Variants in NPEPPS observed in about 807,000 individuals in gnomAD.
NPEPPS encodes aminopeptidase puromycin sensitive.
A neutral mutation model predicts 115.5 loss-of-function variants in NPEPPS; 14 were observed. The observed-to-expected ratio is 0.12, with a 90% CI of 0.08 to 0.19. The LOEUF is 0.19. NPEPPS is among the 10% of genes least tolerant of loss of function. NPEPPS has a pLI of 1.00. For missense variants in NPEPPS, 523 were observed against 1,110.8 expected (o/e 0.47, Z 7.52); for synonymous variants, 285 against 390.6 (o/e 0.73, Z 3.19).
intron 1 of NPEPPS, among the ~76,000 whole-genome samples, chr17:47,538,364 G>A (rs1227258385): frequency 2.0e-5 from 3 of 149,360 alleles, no homozygotes; most frequent in African/African-American, 7.4e-5. Flanking sequence ...ACAGGTGCAT[G>A]CCACCACACC....
intron 8 of NPEPPS, 190 bp from the exon 9 acceptor site, chr17:47,587,040 T>C: frequency 2.0e-6 from 1 of 510,396 alleles, no homozygotes; most frequent in Non-Finnish European, 3.5e-6. Context: ...ATCTTTGATA[T>C]TCTGTTGTAT....
intron 22 of NPEPPS, among the ~76,000 whole-genome samples, chr17:47,621,224 G>C (rs1424475438): frequency 6.6e-6 from 1 of 150,756 alleles, no homozygotes; most frequent in Non-Finnish European, 1.5e-5. Flanking sequence ...TAAATTATTA[G>C]GGCATAGCAG....
At chr17:47,594,219 A>T (rs1447563081) in intron 12 of NPEPPS, among the ~76,000 whole-genome samples, 3 of 152,172 alleles carry the variant, frequency 2.0e-5, no homozygotes, top group Admixed American at 6.5e-5. Flanking sequence ...GTTCTAGTTG[A>T]GTGAGTGGTG....
At chr17:47,553,372 A>C (rs987102020) in intron 2 of NPEPPS, among the ~76,000 whole-genome samples, 2 of 151,174 alleles carry the variant, frequency 1.3e-5, no homozygotes, top group African/African-American at 4.8e-5. Context: ...TTCTACTCAA[A>C]AAAAAAAAAA....
At chr17:47,582,080 C>G (rs879494119) in intron 4 of NPEPPS, 3 of 152,144 alleles carry the variant, frequency 2.0e-5, no homozygotes, top group Non-Finnish European at 4.4e-5. Flanking sequence ...ACTAAAGTTT[C>G]TTTCCTTTAT....
chr17:47,613,979 ATT>A (rs113187043), intron 19 of NPEPPS, among the ~76,000 whole-genome samples: 5 of 141,294 alleles, frequency 3.5e-5, no homozygotes, highest in Admixed American at 7.2e-5. Flanking sequence ...TCTTATTATT[ATT>A]TTTTTTTTTT....
At chr17:47,598,865 A>G (rs1487107134) in intron 13 of NPEPPS, among the ~76,000 whole-genome samples, 1 of 152,160 alleles carries the variant, frequency 6.6e-6, no homozygotes, top group Non-Finnish European at 1.5e-5. Context: ...TAAAAGGCCA[A>G]TGGCCTGGTG....
intron 19 of NPEPPS, among the ~76,000 whole-genome samples, chr17:47,615,052 TGTAATAGG>T (rs1914105858): frequency 6.7e-6 from 1 of 149,952 alleles, no homozygotes; most frequent in East Asian, 2.0e-4. Context: ...TTACCCATGT[TGTAATAGG>T]TTTACTTTCT....
intron 19 of NPEPPS, among the ~76,000 whole-genome samples, chr17:47,616,411 C>T (rs865840585): frequency 5.3e-5 from 8 of 151,622 alleles, no homozygotes; most frequent in African/African-American, 1.9e-4. Flanking sequence ...AGGCCAGGCG[C>T]GGTGGCTCAC....
chr17:47,592,572 A>G (rs1912574634), intron 12 of NPEPPS, 27 bp downstream of exon 12: 1 of 1,562,414 alleles, frequency 6.4e-7, no homozygotes, highest in Admixed American at 1.9e-5. Flanking sequence ...TGAGATAGAA[A>G]TGGAGAGAAA....
At position 47,573,851 on chromosome 17, in the gene NPEPPS, T is replaced by C. The variant is rs1402625936; in HGVS notation, c.418+4357T>C. Reference sequence around the variant, plus strand: ...GAGCAGGGCCTGGAGCTTACGTATTTTAAACTATGAACTATTATTTTGATA... The same window carrying C: ...GAGCAGGGCCTGGAGCTTACGTATTCTAAACTATGAACTATTATTTTGATA... On this transcript the variant is annotated intron_variant, in intron 3 of 22. Transcript: ENST00000322157. Among the ~76,000 whole-genome samples, 12 of 152,344 alleles carry C rather than the reference T, an allele frequency of 7.9e-5. No individual in the cohort carries two copies. In the East Asian group the frequency reaches 2.3e-3, roughly 29 times the overall value.
chr17:47,536,481 C>T (rs1179730839), intron 1 of NPEPPS, among the ~76,000 whole-genome samples: 5 of 149,826 alleles, frequency 3.3e-5, no homozygotes, highest in East Asian at 2.0e-4. Context: ...CAGCCTCTGC[C>T]CCCCCAGGTT....
intron 19 of NPEPPS, among the ~76,000 whole-genome samples, chr17:47,614,715 C>T (rs1033119934): frequency 6.6e-6 from 1 of 152,206 alleles, no homozygotes; most frequent in Non-Finnish European, 1.5e-5. Flanking sequence ...CTTGAGTGCA[C>T]TGGCTACATT....
chr17:47,571,877 T>G (rs1277171253), intron 3 of NPEPPS, among the ~76,000 whole-genome samples: 1 of 152,162 alleles, frequency 6.6e-6, no homozygotes, highest in East Asian at 1.9e-4. Context: ...TGTATATAAT[T>G]TAACCCACAA....
At chr17:47,523,672 C>T (rs1252507115) in intron 1 of NPEPPS, among the ~76,000 whole-genome samples, 1 of 152,116 alleles carries the variant, frequency 6.6e-6, no homozygotes, top group Non-Finnish European at 1.5e-5. Flanking sequence ...ATCTGCCTGC[C>T]TCGGCCTCCC....
At chr17:47,618,553 C>A in intron 20 of NPEPPS, 96 bp downstream of exon 20, 1 of 793,552 alleles carries the variant, frequency 1.3e-6, no homozygotes, top group East Asian at 2.6e-5. Context: ...CTGCCTTAAC[C>A]CTAACTAAAG....
chr17:47,617,977 G>A (rs902724341), intron 19 of NPEPPS, among the ~76,000 whole-genome samples: 2 of 152,000 alleles, frequency 1.3e-5, no homozygotes, highest in East Asian at 1.9e-4. Context: ...AGGTTCAAGC[G>A]ATTCTCCCGC....
chr17:47,545,456 AC>A (rs1291462339), intron 1 of NPEPPS, among the ~76,000 whole-genome samples: 1 of 151,890 alleles, frequency 6.6e-6, no homozygotes, highest in Non-Finnish European at 1.5e-5. Context: ...ATTTATTTGT[AC>A]CATTGATGCA....
chr17:47,530,874 C>T (rs1226089075), upstream of NPEPPS, among the ~76,000 whole-genome samples: 2 of 151,766 alleles, frequency 1.3e-5, no homozygotes, highest in African/African-American at 4.8e-5. Flanking sequence ...GCCTTTCCTT[C>T]CTCTGATCAA....
Sources: gnomAD v4.1 joint callset for allele counts (sites outside exome capture counted in the v4.1 genomes callset) on GRCh38, gnomAD v4.1.1 for gene constraint, MANE v1.5 for transcripts, NCBI Gene and HGNC (gene_info 2026-07-23, HGNC 2026-07-21) for gene names.